AKAP6: variants seen among roughly 807,000 people sequenced by gnomAD.
AKAP6 encodes A-kinase anchor protein 6.
Under a neutral mutation model 188.5 loss-of-function variants are expected in AKAP6, and 58 were observed. That is an observed-to-expected ratio of 0.31 (90% confidence interval 0.25 to 0.38). AKAP6 has a LOEUF of 0.38. Among genes scored for constraint, AKAP6 ranks in the 10% least tolerant of loss-of-function variants. The probability of loss-of-function intolerance (pLI) is 1.00; values close to 1 mark genes in which losing one functional copy is unlikely to be tolerated. For missense variants in AKAP6, 2,710 were observed against 2,740.0 expected (o/e 0.99, Z 0.24); for synonymous variants, 989 against 998.6 (o/e 0.99, Z 0.18).
At chr14:32,396,235 A>C (rs1157247272) in intron 1 of AKAP6, among the ~76,000 whole-genome samples, 3 of 152,176 alleles carry the variant, frequency 2.0e-5, no homozygotes, top group Non-Finnish European at 4.4e-5. Flanking sequence ...ATTGCAATTC[A>C]ATGCTGAGGG....
At chr14:32,456,736 G>C (rs1891156350) in intron 2 of AKAP6, among the ~76,000 whole-genome samples, 1 of 152,206 alleles carries the variant, frequency 6.6e-6, no homozygotes, top group Non-Finnish European at 1.5e-5. Flanking sequence ...AGTCAGAGAA[G>C]AGGATCTTGT....
chr14:32,723,753 C>G (rs1188139695), intron 9 of AKAP6, among the ~76,000 whole-genome samples: 1 of 152,084 alleles, frequency 6.6e-6, no homozygotes, highest in Non-Finnish European at 1.5e-5. Flanking sequence ...TTATCTCTTA[C>G]TGATATTAGA....
intron 1 of AKAP6, among the ~76,000 whole-genome samples, chr14:32,339,922 T>A (rs1443364957): frequency 2.0e-5 from 3 of 151,948 alleles, no homozygotes; most frequent in Non-Finnish European, 4.4e-5. Context: ...AAAGGCATAT[T>A]CTAAATGTCA....
intron 2 of AKAP6, among the ~76,000 whole-genome samples, chr14:32,459,047 T>C (rs552879446): frequency 6.6e-6 from 1 of 152,182 alleles, no homozygotes; most frequent in Non-Finnish European, 1.5e-5. Flanking sequence ...TACTTGGCAA[T>C]AAAAATAATT....
chr14:32,619,719 A>T (rs1886734686), intron 7 of AKAP6, among the ~76,000 whole-genome samples: 3 of 151,892 alleles, frequency 2.0e-5, no homozygotes, highest in Admixed American at 2.0e-4. Context: ...AATGATGTTG[A>T]TATTTAATAG....
intron 1 of AKAP6, among the ~76,000 whole-genome samples, chr14:32,377,060 C>A (rs1227718073): frequency 6.6e-6 from 1 of 152,124 alleles, no homozygotes; most frequent in African/African-American, 2.4e-5. Context: ...TTGAGGAAGG[C>A]AACATTTTGG....
At chr14:32,774,519 G>T (rs539599729) in intron 12 of AKAP6, among the ~76,000 whole-genome samples, 101 of 152,204 alleles carry the variant, frequency 6.6e-4, no homozygotes, top group Non-Finnish European at 3.8e-4. Context: ...TTCCTTTTAA[G>T]GATTTTCCAA....
chr14:32,796,580 T>C (rs2033774707), intron 12 of AKAP6, among the ~76,000 whole-genome samples: 1 of 152,226 alleles, frequency 6.6e-6, no homozygotes, highest in Admixed American at 6.5e-5. Context: ...GCTAGCCATA[T>C]GCAGAAAATT....
chr14:32,771,136 A>G (rs1016734022), intron 11 of AKAP6, among the ~76,000 whole-genome samples: 1 of 152,174 alleles, frequency 6.6e-6, no homozygotes, highest in Non-Finnish European at 1.5e-5. Flanking sequence ...GTATATTTTA[A>G]TGGCTGTCAT....
intron 9 of AKAP6, among the ~76,000 whole-genome samples, chr14:32,698,313 A>G (rs984981337): frequency 6.6e-6 from 1 of 152,134 alleles, no homozygotes; most frequent in African/African-American, 2.4e-5. Flanking sequence ...TTTTCCAGGA[A>G]TCAACTGAAC....
At chr14:32,602,690 A>G (rs1885975734) in intron 7 of AKAP6, among the ~76,000 whole-genome samples, 1 of 152,216 alleles carries the variant, frequency 6.6e-6, no homozygotes, top group South Asian at 2.1e-4. Flanking sequence ...GCCAGATGCT[A>G]TTCTATAGCA....
At chr14:32,642,512 C>T (rs1285183260) in intron 7 of AKAP6, among the ~76,000 whole-genome samples, 1 of 152,072 alleles carries the variant, frequency 6.6e-6, no homozygotes, top group African/African-American at 2.4e-5. Flanking sequence ...TTTTCTTTCA[C>T]TAAGTTGATT....
chr14:32,521,424 A>G (rs564258120), intron 2 of AKAP6, among the ~76,000 whole-genome samples: 2 of 152,218 alleles, frequency 1.3e-5, no homozygotes, highest in Non-Finnish European at 2.9e-5. Flanking sequence ...ACATGATTTT[A>G]TATTTAGAAA....
intron 1 of AKAP6, among the ~76,000 whole-genome samples, chr14:32,371,772 T>G (rs149783967): frequency 1.3e-5 from 2 of 152,240 alleles, no homozygotes; most frequent in Non-Finnish European, 2.9e-5. Flanking sequence ...GTACCTCAAA[T>G]GTGGAGACTA....
intron 7 of AKAP6, among the ~76,000 whole-genome samples, chr14:32,653,847 T>C (rs1196049405): frequency 6.6e-6 from 1 of 152,182 alleles, no homozygotes; most frequent in East Asian, 1.9e-4. Context: ...ATAGTCATGA[T>C]TTGAGTTCAA....
chr14:32,333,252 A>C (rs1886589555), intron 1 of AKAP6, among the ~76,000 whole-genome samples: 1 of 152,110 alleles, frequency 6.6e-6, no homozygotes, highest in Non-Finnish European at 1.5e-5. Flanking sequence ...TAGCCAGTGG[A>C]ATTTAGGGAA....
intron 12 of AKAP6, among the ~76,000 whole-genome samples, chr14:32,799,919 CCAA>C (rs1279296521): frequency 1.3e-5 from 2 of 151,474 alleles, no homozygotes; most frequent in African/African-American, 4.9e-5. Context: ...GTAGAAATAT[CCAA>C]CAATAGGCTG....
intron 1 of AKAP6, among the ~76,000 whole-genome samples, chr14:32,384,277 G>A (rs564349301): frequency 2.0e-5 from 3 of 152,242 alleles, no homozygotes; most frequent in South Asian, 4.1e-4. Flanking sequence ...TCGTGATACC[G>A]GAGCAATAGG....
chr14:32,377,558 C>A (rs905605470), intron 1 of AKAP6, among the ~76,000 whole-genome samples: 3 of 151,970 alleles, frequency 2.0e-5, no homozygotes, highest in African/African-American at 7.3e-5. Context: ...GAGAGAAAGG[C>A]CAGCTATGAG....
Sources: gnomAD v4.1 joint callset for allele counts (sites outside exome capture counted in the v4.1 genomes callset) on GRCh38, gnomAD v4.1.1 for gene constraint, MANE v1.5 for transcripts, NCBI Gene and HGNC (gene_info 2026-07-23, HGNC 2026-07-21) for gene names.